TMEM232: variants seen among roughly 807,000 people sequenced by gnomAD.
TMEM232 encodes the protein transmembrane protein 232.
Under a neutral mutation model 78.8 loss-of-function variants are expected in TMEM232, and 80 were observed. The observed-to-expected ratio is 1.01, with a 90% CI of 0.85 to 1.22. The LOEUF (loss-of-function observed/expected upper bound fraction) is 1.22. Among genes scored for constraint, TMEM232 ranks in the 50% most tolerant of loss-of-function variants. The pLI, the probability that TMEM232 is intolerant of heterozygous loss-of-function variation, is 0.00. For synonymous variants in TMEM232, 297 were observed against 254.3 expected (o/e 1.17, Z -1.60); for missense variants, 881 against 742.2 (o/e 1.19, Z -2.17).
chr5:110,669,323 A>C (rs1300374538), intron 1 of TMEM232, among the ~76,000 whole-genome samples: 1 of 152,226 alleles, frequency 6.6e-6, no homozygotes, highest in Non-Finnish European at 1.5e-5. Flanking sequence ...ACAGAAATAC[A>C]AACTACCATC....
At chr5:110,593,933 T>C (rs776781868) in intron 10 of TMEM232, among the ~76,000 whole-genome samples, 1 of 152,050 alleles carries the variant, frequency 6.6e-6, no homozygotes, top group Non-Finnish European at 1.5e-5. Context: ...ACATACCTGA[T>C]AAATATATAC....
chr5:110,392,391 C>T (rs1755232599), intron 3 of TMEM232, among the ~76,000 whole-genome samples: 1 of 152,180 alleles, frequency 6.6e-6, no homozygotes, highest in Non-Finnish European at 1.5e-5. Context: ...AAAAATTGAG[C>T]TGGTGACTCC....
intron 12 of TMEM232, among the ~76,000 whole-genome samples, chr5:110,504,367 G>A (rs1187116479): frequency 6.6e-6 from 1 of 152,094 alleles, no homozygotes. Flanking sequence ...GCTGATACGG[G>A]AATAGAAGAC....
chr5:110,685,988 T>C (rs1368477052), intron 1 of TMEM232, among the ~76,000 whole-genome samples: 8 of 152,096 alleles, frequency 5.3e-5, no homozygotes. Flanking sequence ...AAGGATTGAA[T>C]GGAAGGTGGC....
intron 12 of TMEM232, among the ~76,000 whole-genome samples, chr5:110,519,952 G>A (rs1769252840): frequency 6.6e-6 from 1 of 150,822 alleles, no homozygotes; most frequent in Non-Finnish European, 1.5e-5. Context: ...ATAGAATGAT[G>A]GCTACTAGAA....
intron 12 of TMEM232, among the ~76,000 whole-genome samples, chr5:110,514,921 T>C (rs950914324): frequency 1.3e-5 from 2 of 152,104 alleles, no homozygotes; most frequent in African/African-American, 4.8e-5. Flanking sequence ...CTAATGAAAA[T>C]CAAGTTCTAA....
At chr5:110,448,426 G>A (rs1216442858) in intron 12 of TMEM232, among the ~76,000 whole-genome samples, 1 of 152,038 alleles carries the variant, frequency 6.6e-6, no homozygotes, top group Admixed American at 6.6e-5. Context: ...AATCTGTTAT[G>A]TCGTTCTAGA....
chr5:110,657,869 A>G (rs1322367623), intron 2 of TMEM232, among the ~76,000 whole-genome samples: 2 of 152,180 alleles, frequency 1.3e-5, no homozygotes, highest in Non-Finnish European at 2.9e-5. Context: ...TAGAGAAACA[A>G]AAATATTAAA....
intron 2 of TMEM232, among the ~76,000 whole-genome samples, chr5:110,659,681 C>A (rs766104704): frequency 6.6e-6 from 1 of 152,054 alleles, no homozygotes; most frequent in African/African-American, 2.4e-5. Context: ...CATGCTCATC[C>A]CACCACATGC....
intron 1 of TMEM232, among the ~76,000 whole-genome samples, chr5:110,669,845 A>G (rs1434380302): frequency 3.3e-5 from 5 of 152,148 alleles, no homozygotes; most frequent in African/African-American, 9.6e-5. Context: ...ATCAATAAAC[A>G]TAATCCAGCA....
At chr5:110,517,844 C>G (rs1768899672) in intron 12 of TMEM232, among the ~76,000 whole-genome samples, 1 of 152,288 alleles carries the variant, frequency 6.6e-6, no homozygotes, top group South Asian at 2.1e-4. Context: ...GAACTGCAGG[C>G]TCTGAAAGAG....
upstream of TMEM232, among the ~76,000 whole-genome samples, chr5:110,727,308 T>C (rs972301714): frequency 6.6e-6 from 1 of 152,142 alleles, no homozygotes; most frequent in Non-Finnish European, 1.5e-5. Context: ...GGGAAGGGCA[T>C]TTATGATTAA....
intron 10 of TMEM232, among the ~76,000 whole-genome samples, chr5:110,588,491 TACC>T (rs1346585510): frequency 2.0e-5 from 3 of 152,068 alleles, no homozygotes; most frequent in Non-Finnish European, 2.9e-5. Context: ...TACAAAAAAT[TACC>T]ACAAGAACTT....
chr5:110,503,131 C>G (rs1200098315), intron 12 of TMEM232, among the ~76,000 whole-genome samples: 1 of 152,068 alleles, frequency 6.6e-6, no homozygotes, highest in Non-Finnish European at 1.5e-5. Context: ...TACTATGATC[C>G]CAAAGCTTAA....
chr5:110,675,683 T>A (rs1392252584), intron 1 of TMEM232, among the ~76,000 whole-genome samples: 1 of 152,212 alleles, frequency 6.6e-6, no homozygotes, highest in Non-Finnish European at 1.5e-5. Context: ...TATATATTTA[T>A]GTTGTATAAT....
intron 1 of TMEM232, among the ~76,000 whole-genome samples, chr5:110,689,128 C>A (rs1394768056): frequency 6.6e-6 from 1 of 152,106 alleles, no homozygotes; most frequent in African/African-American, 2.4e-5. Context: ...ATCCCAGGCG[C>A]ATCCTTAACT....
At chr5:110,685,410 AT>A (rs1350070523) in intron 1 of TMEM232, among the ~76,000 whole-genome samples, 1 of 152,170 alleles carries the variant, frequency 6.6e-6, no homozygotes, top group Non-Finnish European at 1.5e-5. Context: ...AGCCAGTATG[AT>A]CAAAATCATT....
At chr5:110,463,005 A>T (rs1761704416) in intron 12 of TMEM232, among the ~76,000 whole-genome samples, 2 of 152,194 alleles carry the variant, frequency 1.3e-5, no homozygotes, top group Non-Finnish European at 2.9e-5. Context: ...AACGGATTTA[A>T]ATATCAAATA....
chr5:110,735,510 C>A (rs1300247045), intron 1 of TMEM232, among the ~76,000 whole-genome samples: 1 of 152,004 alleles, frequency 6.6e-6, no homozygotes, highest in Non-Finnish European at 1.5e-5. Flanking sequence ...TAATAATATC[C>A]TCCACCCATT....
Sources: gnomAD v4.1 joint callset for allele counts (sites outside exome capture counted in the v4.1 genomes callset) on GRCh38, gnomAD v4.1.1 for gene constraint, MANE v1.5 for transcripts, NCBI Gene and HGNC (gene_info 2026-07-23, HGNC 2026-07-21) for gene names.